Variants in PSD3 observed in about 807,000 individuals in gnomAD.
PSD3 encodes pleckstrin and Sec7 domain containing 3, also known as PH and SEC7 domain-containing protein 3.
In PSD3, 49 loss-of-function variants were observed where a neutral mutation model predicts 105.5. The ratio of observed to expected loss-of-function variants is 0.46; its 90% CI spans 0.37 to 0.59. The LOEUF is 0.59. Ranked by LOEUF, PSD3 falls within the 20% of genes least tolerant of loss-of-function variation. The pLI, the probability that PSD3 is intolerant of heterozygous loss-of-function variation, is 0.00. For synonymous variants in PSD3, 557 were observed against 457.8 expected, an observed-to-expected ratio of 1.22 and a Z score of -2.77; for missense variants, 1,561 against 1,263.8, an observed-to-expected ratio of 1.24 and a Z score of -3.57.
At chr8:18,587,574 G>A (rs1803286624) in intron 12 of PSD3, among the ~76,000 whole-genome samples, 1 of 152,068 alleles carries the variant, frequency 6.6e-6, no homozygotes, top group South Asian at 2.1e-4. Context: ...TCGCCTGCCT[G>A]CCTGGCAAAC....
chr8:18,568,565 T>C (rs1801939001), intron 14 of PSD3, among the ~76,000 whole-genome samples: 1 of 152,112 alleles, frequency 6.6e-6, no homozygotes, highest in Non-Finnish European at 1.5e-5. Flanking sequence ...CCACCAGAAG[T>C]GTCCATTCTA....
At chr8:18,774,762 G>T (rs566320253) in intron 8 of PSD3, 2 of 393,380 alleles carry the variant, frequency 5.1e-6, no homozygotes, top group East Asian at 1.5e-4. Flanking sequence ...ACAGGCAACA[G>T]ATTTGGAAAT....
chr8:18,605,855 T>C (rs964082358), intron 11 of PSD3, among the ~76,000 whole-genome samples: 5 of 152,132 alleles, frequency 3.3e-5, no homozygotes, highest in African/African-American at 1.2e-4. Flanking sequence ...CCTGTGGCCA[T>C]GTGAAGTGGT....
At chr8:18,923,607 G>A (rs780381613) in intron 2 of PSD3, among the ~76,000 whole-genome samples, 21 of 152,320 alleles carry the variant, frequency 1.4e-4, no homozygotes, top group Non-Finnish European at 2.6e-4. Context: ...GTAATATGCT[G>A]TGTAGGTTCG....
chr8:18,954,911 A>T (rs1823468211), intron 1 of PSD3, among the ~76,000 whole-genome samples: 2 of 152,072 alleles, frequency 1.3e-5, no homozygotes, highest in South Asian at 4.1e-4. Context: ...AACTGCATCA[A>T]CTTTGTAAGT....
At chr8:18,755,486 A>AC (rs61699522) in intron 9 of PSD3, among the ~76,000 whole-genome samples, 7,449 of 151,904 alleles carry the variant, frequency 0.049, 229 homozygotes, top group Non-Finnish European at 0.063. Context: ...ACATAACATA[A>AC]AAATGCTCCA....
At chr8:18,724,770 A>T (rs10888159) in intron 9 of PSD3, among the ~76,000 whole-genome samples, 1 of 152,064 alleles carries the variant, frequency 6.6e-6, no homozygotes, top group African/African-American at 2.4e-5. Context: ...TAAGCTTATT[A>T]ATAAATGGAA....
chr8:18,833,463 T>A (rs1477816713), intron 4 of PSD3, among the ~76,000 whole-genome samples: 1 of 152,228 alleles, frequency 6.6e-6, no homozygotes, highest in Non-Finnish European at 1.5e-5. Flanking sequence ...TGACATGCCA[T>A]CTTAGCAGGT....
intron 1 of PSD3, among the ~76,000 whole-genome samples, chr8:19,057,839 G>A (rs78871732): frequency 0.024 from 3,678 of 152,248 alleles, 157 homozygotes; most frequent in African/African-American, 0.083. Context: ...CATTGCTGGT[G>A]GGCGTGCAAA....
intron 11 of PSD3, among the ~76,000 whole-genome samples, chr8:18,625,034 C>A (rs1479565453): frequency 6.6e-6 from 1 of 152,082 alleles, no homozygotes; most frequent in East Asian, 1.9e-4. Context: ...CTGTACCCAG[C>A]TGCTTTTATA....
chr8:18,658,829 G>A (rs1809095265), intron 9 of PSD3, among the ~76,000 whole-genome samples: 1 of 152,050 alleles, frequency 6.6e-6, no homozygotes, highest in Admixed American at 6.6e-5. Flanking sequence ...TGCTCTAGTA[G>A]CCTCAGGGAT....
intron 9 of PSD3, among the ~76,000 whole-genome samples, chr8:18,708,529 C>G (rs1451002251): frequency 6.6e-6 from 1 of 152,154 alleles, no homozygotes; most frequent in African/African-American, 2.4e-5. Flanking sequence ...AAGTTACAGA[C>G]CACACAGCTG....
chr8:19,084,258 G>A (rs1203675950), exon 1 of PSD3: 1 of 456,132 alleles, frequency 2.2e-6, no homozygotes, highest in Non-Finnish European at 4.4e-6. Context: ...GGTGTGCACA[G>A]CTGGACAGTA....
rs752161486 is a variant in PSD3 at position 18,575,115 on chromosome 8, C to T, written c.2639+13G>A. 3.7e-6 allele frequency: 6 copies of T among 1,607,468 alleles called. No homozygotes were observed. Among genetic ancestry groups the T allele is most frequent in the Non-Finnish European group, 5.1e-6 (6 of 1,177,094 alleles). The stretch of plus-strand genomic sequence containing the variant: ...CTAAAACACAAAATCAAATAAAAAC[C>T]AACAAAACATACTGAGTTTGAAAAA... On this transcript the variant is annotated intron_variant, in intron 13 of 15. Transcript: ENST00000327040.
At chr8:18,594,402 T>C (rs896636288) in intron 12 of PSD3, among the ~76,000 whole-genome samples, 1 of 118,268 alleles carries the variant, frequency 8.5e-6, no homozygotes, top group African/African-American at 3.5e-5. Context: ...TAATATATTA[T>C]ATAATATATA....
intron 9 of PSD3, among the ~76,000 whole-genome samples, chr8:18,743,987 C>T (rs1048155646): frequency 2.2e-4 from 34 of 151,492 alleles, no homozygotes; most frequent in African/African-American, 8.0e-4. Flanking sequence ...CCACCACCAC[C>T]ACCACCACCA....
intron 2 of PSD3, among the ~76,000 whole-genome samples, chr8:18,901,180 T>A (rs990236715): frequency 2.0e-5 from 3 of 152,238 alleles, no homozygotes; most frequent in African/African-American, 7.2e-5. Context: ...TTTCCAGTAT[T>A]TCTAGTCTAC....
intron 1 of PSD3, chr8:19,000,816 A>G (rs1826334556): frequency 6.6e-6 from 1 of 151,928 alleles, no homozygotes; most frequent in Non-Finnish European, 1.5e-5. Context: ...TATATTCTTA[A>G]TAGGGTTCCT....
intron 1 of PSD3, among the ~76,000 whole-genome samples, chr8:19,026,009 A>T (rs1466996780): frequency 6.6e-6 from 1 of 152,198 alleles, no homozygotes; most frequent in Non-Finnish European, 1.5e-5. Context: ...AAGGAGAAAC[A>T]AAGTCACATC....
Sources: gnomAD v4.1 joint callset for allele counts (sites outside exome capture counted in the v4.1 genomes callset) on GRCh38, gnomAD v4.1.1 for gene constraint, MANE v1.5 for transcripts, NCBI Gene and HGNC (gene_info 2026-07-23, HGNC 2026-07-21) for gene names.